Variants in BLTP1 observed in about 807,000 individuals in gnomAD.
The protein encoded by BLTP1 is fragile site-associated protein.
the BLTP1 span, chr4:122,246,972 T>C: frequency 6.6e-6 from 6 of 904,992 alleles, no homozygotes; most frequent in Non-Finnish European, 7.9e-6. Flanking sequence ...GTAACATATG[T>C]CTTTAAAAAA....
chr4:122,288,455 C>T, the BLTP1 span, among the ~76,000 whole-genome samples: 12 of 151,940 alleles, frequency 7.9e-5, no homozygotes, highest in East Asian at 1.9e-4. Context: ...CCAAAGTGGG[C>T]GGATCGCTTG....
the BLTP1 span, among the ~76,000 whole-genome samples, chr4:122,206,500 A>G: frequency 6.6e-6 from 1 of 151,894 alleles, no homozygotes; most frequent in African/African-American, 2.4e-5. Flanking sequence ...TTGACCCAGC[A>G]ATTCCACTTC....
At chr4:122,224,553 T>C in the BLTP1 span, 1 of 1,613,866 alleles carries the variant, frequency 6.2e-7, no homozygotes, top group Non-Finnish European at 8.5e-7. Context: ...TTGTCAGGTC[T>C]CCAGCTGAGA....
the BLTP1 span, chr4:122,305,068 T>A: frequency 1.5e-6 from 2 of 1,313,882 alleles, no homozygotes; most frequent in Non-Finnish European, 2.0e-6. Flanking sequence ...TGTATTATTA[T>A]ATTTACAAAA....
the BLTP1 span, among the ~76,000 whole-genome samples, chr4:122,296,038 T>A: frequency 3.3e-5 from 5 of 152,166 alleles, no homozygotes; most frequent in African/African-American, 1.2e-4. Flanking sequence ...AAGAATGCCC[T>A]CTCTTTCACC....
chr4:122,173,110 C>G, the BLTP1 span: 2 of 1,609,590 alleles, frequency 1.2e-6, no homozygotes, highest in Non-Finnish European at 1.7e-6. Context: ...TATTTTAACA[C>G]TAGTTCTTAA....
the BLTP1 span, chr4:122,324,584 T>A: frequency 3.3e-5 from 48 of 1,473,432 alleles, no homozygotes; most frequent in Non-Finnish European, 4.0e-5. Context: ...TTGTTGACTC[T>A]TTTACCAAGG....
At chr4:122,313,084 T>C in the BLTP1 span, 2 of 159,680 alleles carry the variant, frequency 1.3e-5, no homozygotes, top group Non-Finnish European at 2.7e-5. Flanking sequence ...GTAGATATAT[T>C]CTGGAGATAG....
the BLTP1 span, chr4:122,209,290 T>C: frequency 6.2e-7 from 1 of 1,612,928 alleles, no homozygotes; most frequent in Non-Finnish European, 8.5e-7. Flanking sequence ...AGTGTCAAAG[T>C]GGCCAGAAAA....
chr4:122,222,221 T>A, the BLTP1 span, among the ~76,000 whole-genome samples: 1 of 152,188 alleles, frequency 6.6e-6, no homozygotes, highest in African/African-American at 2.4e-5. Flanking sequence ...CTAAGAATTT[T>A]TTTCTTCATC....
chr4:122,249,502 A>G, the BLTP1 span: 1 of 1,613,344 alleles, frequency 6.2e-7, no homozygotes, highest in Non-Finnish European at 8.5e-7. Flanking sequence ...GACCTGTGCA[A>G]TCACTGCTAT....
chr4:122,265,996 G>T, the BLTP1 span, among the ~76,000 whole-genome samples: 1 of 152,144 alleles, frequency 6.6e-6, no homozygotes, highest in African/African-American at 2.4e-5. Context: ...GCCCGGCCTA[G>T]ATAGGGTTTT....
At chr4:122,199,274 T>G in the BLTP1 span, 1 of 1,524,782 alleles carries the variant, frequency 6.6e-7, no homozygotes. Flanking sequence ...CTTCTTTGAG[T>G]GGTGGTAGGA....
the BLTP1 span, chr4:122,185,360 A>G: frequency 1.0e-6 from 1 of 985,092 alleles, no homozygotes; most frequent in Non-Finnish European, 1.2e-6. Context: ...ATTTGGTAAC[A>G]AAAGAAAGCA....
chr4:122,172,629 ATTACT>A, the BLTP1 span, among the ~76,000 whole-genome samples: 13 of 152,182 alleles, frequency 8.5e-5, no homozygotes, highest in African/African-American at 3.1e-4. Flanking sequence ...TTTAAAAATC[ATTACT>A]TTTCTTCCTT....
chr4:122,258,864 G>C, the BLTP1 span: 3 of 1,528,568 alleles, frequency 2.0e-6, no homozygotes, highest in Non-Finnish European at 2.7e-6. Flanking sequence ...GCTCTTTTTG[G>C]TTAGAGTTAT....
the BLTP1 span, chr4:122,226,924 C>A: frequency 3.2e-6 from 3 of 938,626 alleles, no homozygotes; most frequent in South Asian, 2.4e-5. Context: ...GTCAAATACA[C>A]ATAGCCATGC....
At chr4:122,218,373 G>T in the BLTP1 span, among the ~76,000 whole-genome samples, 1 of 152,098 alleles carries the variant, frequency 6.6e-6, no homozygotes, top group Non-Finnish European at 1.5e-5. Context: ...GTAATTAGGA[G>T]GTGGACAGCA....
the BLTP1 span, among the ~76,000 whole-genome samples, chr4:122,340,120 C>T: frequency 1.6e-3 from 244 of 152,072 alleles, 2 homozygotes; most frequent in Middle Eastern, 6.8e-3. Flanking sequence ...GGTTCTTAAC[C>T]AGGAGCTATC....
Sources: gnomAD v4.1 joint callset for allele counts (sites outside exome capture counted in the v4.1 genomes callset) on GRCh38, gnomAD v4.1.1 for gene constraint, MANE v1.5 for transcripts, NCBI Gene and HGNC (gene_info 2026-07-23, HGNC 2026-07-21) for gene names.